Variants in CORO2B observed in about 807,000 individuals in gnomAD.
The protein encoded by CORO2B is coronin 2B, also known as coronin-2B.
In CORO2B, 26 loss-of-function variants were observed where a neutral mutation model predicts 58.8. The observed-to-expected ratio is 0.44, with a 90% CI of 0.32 to 0.61. CORO2B has a LOEUF of 0.61. Among genes scored for constraint, CORO2B ranks in the 20% least tolerant of loss-of-function variants. The pLI is 0.04. For missense variants in CORO2B, 460 were observed against 645.1 expected, an observed-to-expected ratio of 0.71 and a Z score of 3.11; for synonymous variants, 242 against 253.8, an observed-to-expected ratio of 0.95 and a Z score of 0.44.
the CORO2B span, among the ~76,000 whole-genome samples, chr15:68,552,856 C>T: frequency 6.6e-6 from 1 of 152,192 alleles, no homozygotes; most frequent in Non-Finnish European, 1.5e-5. Flanking sequence ...CAGGAGCAGA[C>T]AGGAAGGAAG....
the CORO2B span, among the ~76,000 whole-genome samples, chr15:68,525,645 A>G: frequency 2.0e-5 from 3 of 152,206 alleles, no homozygotes; most frequent in Non-Finnish European, 2.9e-5. Context: ...CCAGAACAGA[A>G]ACCAAAACCC....
intron 2 of CORO2B, among the ~76,000 whole-genome samples, chr15:68,650,356 T>TAAAAAA (rs532431600): frequency 2.3e-5 from 2 of 86,086 alleles, no homozygotes; most frequent in Non-Finnish European, 4.9e-5. Flanking sequence ...AAACTCTGTC[T>TAAAAAA]AAAAAAAAAA....
At chr15:68,549,966 A>AAATAAATAAAT in the CORO2B span, among the ~76,000 whole-genome samples, 1 of 147,992 alleles carries the variant, frequency 6.8e-6, no homozygotes, top group Non-Finnish European at 1.5e-5. Flanking sequence ...ATAAATAAAT[A>AAATAAATAAAT]AATAAATAAA....
chr15:68,580,305 G>A (rs1899396115), intron 1 of CORO2B, among the ~76,000 whole-genome samples: 2 of 151,796 alleles, frequency 1.3e-5, no homozygotes, highest in African/African-American at 4.8e-5. Context: ...ACCCTTTCCA[G>A]CTGCCCAGCT....
At chr15:68,657,831 G>T (rs1478177390) in intron 2 of CORO2B, among the ~76,000 whole-genome samples, 1 of 152,200 alleles carries the variant, frequency 6.6e-6, no homozygotes, top group Non-Finnish European at 1.5e-5. Flanking sequence ...GATGTAAGTT[G>T]TCTCCTACCC....
chr15:68,627,635 A>C (rs1900720015), intron 1 of CORO2B, among the ~76,000 whole-genome samples: 1 of 152,114 alleles, frequency 6.6e-6, no homozygotes, highest in Non-Finnish European at 1.5e-5. Flanking sequence ...CACTGTGACA[A>C]ATGTGGTCTT....
Position 68,672,722 on chromosome 15 carries a change from G to A in CORO2B, c.217-22418G>A, listed in dbSNP as rs566109989. On this transcript the variant is annotated intron_variant, in intron 2 of 11. Transcript: ENST00000261861. Reference sequence around the variant, plus strand: ...CCAGGAAGAATCCTGTTCTGGGATGGAGTGGCCTAGGGAGAGGTGGAGAGG... The same window carrying A: ...CCAGGAAGAATCCTGTTCTGGGATGAAGTGGCCTAGGGAGAGGTGGAGAGG... Among the ~76,000 whole-genome samples, 14 of 152,300 alleles carry A rather than the reference G, an allele frequency of 9.2e-5. No individual in the cohort carries two copies. The South Asian group carries it at 2.1e-3, about 23-fold the overall frequency.
intron 1 of CORO2B, among the ~76,000 whole-genome samples, chr15:68,615,896 T>G (rs1449856635): frequency 6.6e-6 from 1 of 152,220 alleles, no homozygotes; most frequent in African/African-American, 2.4e-5. Flanking sequence ...AGAAAGAAGA[T>G]CATAGCCTTC....
intron 2 of CORO2B, among the ~76,000 whole-genome samples, chr15:68,685,991 C>T (rs1371691226): frequency 2.7e-5 from 4 of 148,908 alleles, no homozygotes; most frequent in Non-Finnish European, 3.0e-5. Context: ...TTGTGGGAAC[C>T]GCACTAGAAA....
intron 3 of CORO2B, among the ~76,000 whole-genome samples, chr15:68,695,568 C>T (rs1892490895): frequency 6.6e-6 from 1 of 151,904 alleles, no homozygotes; most frequent in South Asian, 2.1e-4. Context: ...TAAAGAAGGG[C>T]AAGGGAAAGA....
chr15:68,685,837 C>T (rs75734120), intron 2 of CORO2B, among the ~76,000 whole-genome samples: 6,263 of 152,170 alleles, frequency 0.041, 294 homozygotes, highest in African/African-American at 0.11. Context: ...ATTGGGATTA[C>T]TTAAACTCCC....
rs964862706 is a variant in CORO2B, at chr15:68,604,204, T to C, written c.15+24927T>C. ...CAGTATTGTCACTCTGGGCACCCCC[T>C]TCCCTTGACGCATACTCCAGGGCTC... On this transcript the variant is annotated intron_variant, in intron 1 of 11. Transcript: ENST00000261861. Among the ~76,000 whole-genome samples the C allele has an allele frequency of 2.6e-5, 4 of 152,110 alleles. No individual in the cohort carries two copies. The East Asian group carries it at 7.7e-4, about 29-fold the overall frequency.
chr15:68,703,214 G>A lies in CORO2B; in HGVS notation c.334-7518G>A, dbSNP rs181978217. Among the ~76,000 whole-genome samples the A allele has an allele frequency of 5.4e-4, 74 of 138,262 alleles. 1 individual carries two copies. The highest frequency in any genetic ancestry group is 1.5e-3 in the African/African-American group (55 of 36,798). 90.7% of individuals were successfully genotyped at this position (138,262 alleles called of 152,430 possible). On this transcript the variant is annotated intron_variant, in intron 3 of 11. Coordinates refer to ENST00000261861, the MANE Select transcript of CORO2B (RefSeq NM_006091.5). ...TCACCAGGCTGTCATGCAGTGGCGC[G>A]ATCTCAGCTCACTGCAACCTCCGAC... is the stretch of plus-strand genomic sequence containing the variant.
chr15:68,524,227 A>G, the CORO2B span, among the ~76,000 whole-genome samples: 1 of 152,308 alleles, frequency 6.6e-6, no homozygotes, highest in Admixed American at 6.5e-5. Flanking sequence ...CTCAAAAAAA[A>G]AGAAAAGAAA....
intron 11 of CORO2B, among the ~76,000 whole-genome samples, 196 bp downstream of exon 11, chr15:68,719,748 G>A (rs1261021286): frequency 2.0e-5 from 3 of 152,110 alleles, no homozygotes; most frequent in African/African-American, 7.2e-5. Flanking sequence ...TGGAGATATC[G>A]GTTCCCCACA....
chr15:68,688,355 C>T (rs1456328443), intron 2 of CORO2B, among the ~76,000 whole-genome samples: 2 of 152,080 alleles, frequency 1.3e-5, no homozygotes, highest in African/African-American at 4.8e-5. Context: ...GCAGGTTGAG[C>T]ATTCTAAATC....
chr15:68,653,936 C>A (rs1901723216), intron 2 of CORO2B, among the ~76,000 whole-genome samples: 1 of 152,050 alleles, frequency 6.6e-6, no homozygotes, highest in Admixed American at 6.6e-5. Flanking sequence ...ATTCAGAGAG[C>A]CTTTTCCAAA....
At position 68,670,247 on chromosome 15, in the gene CORO2B, T is replaced by C. The variant is rs1011749553; in HGVS notation, c.216+24887T>C. Reference sequence around the variant, plus strand: ...TGGAGTGCAGTGGCGTGATATTAGCTCACTGCAACCTCCACCCGCTGGGTT... The same window carrying C: ...TGGAGTGCAGTGGCGTGATATTAGCCCACTGCAACCTCCACCCGCTGGGTT... On this transcript the variant is annotated intron_variant, in intron 2 of 11. Transcript: ENST00000261861. 2.0e-5 allele frequency among the ~76,000 whole-genome samples: 3 copies of C among 151,962 alleles called. No individual in the cohort carries two copies. In the East Asian group the frequency reaches 5.8e-4, roughly 30 times the overall value.
chr15:68,620,891 G>A (rs538446891), intron 1 of CORO2B, among the ~76,000 whole-genome samples: 10 of 152,200 alleles, frequency 6.6e-5, no homozygotes, highest in Admixed American at 2.0e-4. Context: ...CCAACAAAGG[G>A]TAGAAAGTCT....
Sources: allele counts gnomAD v4.1 joint callset (sites outside exome capture counted in the v4.1 genomes callset), GRCh38; gene constraint gnomAD v4.1.1; transcripts MANE v1.5; gene names NCBI Gene and HGNC (gene_info 2026-07-23, HGNC 2026-07-21).